Variants in PDLIM5 observed in about 807,000 individuals in gnomAD.
The protein encoded by PDLIM5 is PDZ and LIM domain protein 5.
PDLIM5 carries 34 observed loss-of-function variants against 64.2 expected under a neutral mutation model. The observed-to-expected ratio is 0.53, with a 90% confidence interval of 0.40 to 0.71. The LOEUF is 0.71. Among genes scored for constraint, PDLIM5 ranks in the 30% least tolerant of loss-of-function variants. The pLI is 0.00. For missense variants in PDLIM5, 683 were observed against 733.6 expected (o/e 0.93, Z 0.80); for synonymous variants, 253 against 269.1 (o/e 0.94, Z 0.59).
intron 8 of PDLIM5, among the ~76,000 whole-genome samples, chr4:94,626,235 A>T (rs1315965523): frequency 5.3e-5 from 8 of 152,236 alleles, no homozygotes; most frequent in Non-Finnish European, 1.2e-4. Context: ...AACATTTAAC[A>T]TTTAACAGTA....
chr4:94,494,552 G>A (rs1054533078), intron 2 of PDLIM5, among the ~76,000 whole-genome samples: 7 of 147,044 alleles, frequency 4.8e-5, no homozygotes, highest in Non-Finnish European at 8.9e-5. Context: ...CGATTCTCCT[G>A]CCTCAGCCTC....
At chr4:94,458,502 T>G (rs1723578661) in intron 2 of PDLIM5, among the ~76,000 whole-genome samples, 1 of 152,176 alleles carries the variant, frequency 6.6e-6, no homozygotes, top group Non-Finnish European at 1.5e-5. Context: ...TTTTTTAAAC[T>G]TATTGTCCAC....
At chr4:94,620,796 G>A (rs909447314) in intron 8 of PDLIM5, among the ~76,000 whole-genome samples, 48 of 152,014 alleles carry the variant, frequency 3.2e-4, no homozygotes, top group African/African-American at 1.1e-3. Flanking sequence ...AGTGACTCAC[G>A]CCTATAATCC....
intron 8 of PDLIM5, among the ~76,000 whole-genome samples, chr4:94,630,252 C>A (rs999629370): frequency 2.6e-5 from 4 of 152,132 alleles, no homozygotes; most frequent in Non-Finnish European, 4.4e-5. Context: ...AACAAGAACA[C>A]CTCTTGCAGT....
At chr4:94,574,737 T>A (rs1394405908) in intron 4 of PDLIM5, among the ~76,000 whole-genome samples, 1 of 152,136 alleles carries the variant, frequency 6.6e-6, no homozygotes, top group Non-Finnish European at 1.5e-5. Context: ...TTAAATATGC[T>A]TTGGAATAAG....
chr4:94,582,245 G>T lies in PDLIM5; in HGVS notation c.711-3320G>T, dbSNP rs566745045. ...AAAGATTTTTCTCTTATTCTCTTCT[G>T]ATTTTAAGTGATTCTAAAATGATCT... is the stretch of plus-strand genomic sequence containing the variant. On this transcript the variant is annotated intron_variant, in intron 5 of 12. Transcript: ENST00000317968. Among the ~76,000 whole-genome samples the T allele has an allele frequency of 1.7e-3, 256 of 152,170 alleles. 1 individual carries two copies. Among genetic ancestry groups the T allele is most frequent in the African/African-American group, 5.7e-3 (238 of 41,536 alleles).
chr4:94,465,685 C>T (rs2126085600), intron 2 of PDLIM5, among the ~76,000 whole-genome samples: 2 of 152,280 alleles, frequency 1.3e-5, no homozygotes, highest in Middle Eastern at 3.4e-3. Flanking sequence ...AGGCATGAGC[C>T]ACCTTGCCCA....
At chr4:94,598,530 A>G (rs1394578503) in intron 7 of PDLIM5, among the ~76,000 whole-genome samples, 2 of 151,986 alleles carry the variant, frequency 1.3e-5, no homozygotes, top group Admixed American at 6.6e-5. Context: ...TCCTCTAAAC[A>G]TTCTCCTTTA....
chr4:94,577,188 G>T (rs554541020), intron 5 of PDLIM5: 2 of 457,174 alleles, frequency 4.4e-6, no homozygotes, highest in Admixed American at 4.7e-5. Flanking sequence ...TAGTCTACAG[G>T]CCTGATGGTT....
intron 3 of PDLIM5, among the ~76,000 whole-genome samples, chr4:94,571,954 C>T (rs1043049844): frequency 6.6e-6 from 1 of 152,174 alleles, no homozygotes; most frequent in Non-Finnish European, 1.5e-5. Flanking sequence ...TGAATATTAA[C>T]ATCCATTGCT....
At position 94,654,560 on chromosome 4, in the gene PDLIM5, A is replaced by G; in HGVS notation, c.1384A>G (p.Lys462Glu). ...TMAYIGFVEE[K>E]GALYCELCYE... is the part of the protein sequence containing the mutation. ...GGCCTACATTGGATTTGTAGAGGAG[A>G]AAGGAGCCCTGTATTGTGAGCTGTG... is the stretch of plus-strand genomic sequence containing the variant. The change falls in exon 10 of 13, where the codon AAA becomes GAA. Residue 462 changes from lysine to glutamate, a missense_variant. Coordinates refer to ENST00000317968, the MANE Select transcript of PDLIM5 (RefSeq NM_006457.5). 1 of 1,612,482 alleles carries G rather than the reference A, an allele frequency of 6.2e-7. No homozygotes were observed. The highest frequency in any genetic ancestry group is 1.7e-4 in the Middle Eastern group (1 of 6,058).
chr4:94,627,769 A>G (rs1452458704), intron 8 of PDLIM5, among the ~76,000 whole-genome samples: 1 of 152,232 alleles, frequency 6.6e-6, no homozygotes, highest in Non-Finnish European at 1.5e-5. Flanking sequence ...CGCATGAATA[A>G]GAATAACAAT....
intron 8 of PDLIM5, among the ~76,000 whole-genome samples, chr4:94,628,430 T>G (rs1269637087): frequency 6.6e-6 from 1 of 152,230 alleles, no homozygotes; most frequent in African/African-American, 2.4e-5. Context: ...AATAGAAATT[T>G]AAGGAGTATC....
intron 2 of PDLIM5, among the ~76,000 whole-genome samples, chr4:94,464,030 G>A (rs1578198091): frequency 6.6e-6 from 1 of 152,144 alleles, no homozygotes; most frequent in East Asian, 1.9e-4. Flanking sequence ...GGTAACTATA[G>A]TAACAAAAAG....
chr4:94,628,193 C>T (rs1739853803), intron 8 of PDLIM5, among the ~76,000 whole-genome samples: 3 of 152,172 alleles, frequency 2.0e-5, no homozygotes, highest in Admixed American at 6.6e-5. Context: ...AGAATGATGA[C>T]ATTTCTAACA....
chr4:94,645,049 GTCTT>G (rs1223557275), intron 9 of PDLIM5, among the ~76,000 whole-genome samples: 2 of 152,150 alleles, frequency 1.3e-5, no homozygotes, highest in Non-Finnish European at 2.9e-5. Flanking sequence ...CTAATTTGTA[GTCTT>G]TTATCCCTCA....
intron 2 of PDLIM5, among the ~76,000 whole-genome samples, chr4:94,499,534 T>G (rs1368615351): frequency 6.6e-6 from 1 of 152,244 alleles, no homozygotes; most frequent in Non-Finnish European, 1.5e-5. Context: ...AACAACAGTT[T>G]ACATAGCATT....
At chr4:94,623,193 G>T (rs1319228054) in intron 8 of PDLIM5, among the ~76,000 whole-genome samples, 1 of 1,578 alleles carries the variant, frequency 6.3e-4, no homozygotes. Context: ...GCTGTCTGCT[G>T]CTGGTCAAAA....
chr4:94,456,530 C>T (rs1723385372), intron 2 of PDLIM5: 1 of 716,786 alleles, frequency 1.4e-6, no homozygotes. Context: ...TTTTTTGCAA[C>T]AATTTACCCT....
Sources: allele counts gnomAD v4.1 joint callset (sites outside exome capture counted in the v4.1 genomes callset), GRCh38; gene constraint gnomAD v4.1.1; transcripts MANE v1.5; gene names NCBI Gene and HGNC (gene_info 2026-07-23, HGNC 2026-07-21).